The following POU6F2 variants were observed in gnomAD, a reference collection of about 807,000 sequenced individuals.
POU6F2 encodes POU class 6 homeobox 2.
A neutral mutation model predicts 71.3 loss-of-function variants in POU6F2; 31 were observed. The observed-to-expected ratio is 0.43, with a 90% CI of 0.33 to 0.59. POU6F2 has a LOEUF of 0.59. POU6F2 is among the 20% of genes least tolerant of loss of function. POU6F2 has a pLI of 0.04. For synonymous variants in POU6F2, 347 were observed against 355.7 expected (o/e 0.98, Z 0.27); for missense variants, 783 against 856.8 (o/e 0.91, Z 1.07).
chr7:39,464,742 G>A lies in POU6F2; in HGVS notation c.*56G>A. ...TTCACAGAAACTAAACTCCACCCTT[G>A]GGACTCCACAACAACAACAACAACA... On this transcript the variant is annotated 3_prime_UTR_variant, in exon 10 of 10. Coordinates refer to ENST00000518318, the MANE Select transcript of POU6F2 (RefSeq NM_001370959.1). This position sits in a 1 kb window ranked among gnomAD's most constrained non-coding sequence, Gnocchi z 4.1. 1 of 1,501,786 alleles carries A rather than the reference G, an allele frequency of 6.7e-7. No homozygotes were observed. Among genetic ancestry groups the A allele is most frequent in the Non-Finnish European group, 8.9e-7 (1 of 1,125,174 alleles). The allele number at this position is 1,501,786 out of a possible 1,614,324, so 93.0% of individuals were successfully genotyped here.
chr7:39,431,140 G>A lies in POU6F2; in HGVS notation c.1114-1937G>A, dbSNP rs575728384. Among the ~76,000 whole-genome samples the A allele has an allele frequency of 2.0e-4, 31 of 152,254 alleles. 1 individual carries two copies. In the South Asian group the frequency reaches 2.3e-3, roughly 11 times the overall value. ...GCTGATGCTGCGGGCCAGGCATTGC[G>A]GGCTTGCTCAGTGAGACTGCAGCCC... On this transcript the variant is annotated intron_variant, in intron 6 of 9. Transcript: ENST00000518318.
chr7:39,312,771 A>G (rs1173901135), intron 4 of POU6F2, among the ~76,000 whole-genome samples: 1 of 152,236 alleles, frequency 6.6e-6, no homozygotes, highest in Non-Finnish European at 1.5e-5. Context: ...CAGTCTGACA[A>G]CTAAGATTGC....
intron 7 of POU6F2, among the ~76,000 whole-genome samples, chr7:39,449,593 A>T (rs1321630395): frequency 6.6e-6 from 1 of 152,140 alleles, no homozygotes; most frequent in Non-Finnish European, 1.5e-5. Flanking sequence ...TTCCACTCCT[A>T]GGTATTTACA....
intron 2 of POU6F2, among the ~76,000 whole-genome samples, chr7:39,111,307 G>A (rs534132442): frequency 3.9e-5 from 6 of 152,270 alleles, no homozygotes; most frequent in African/African-American, 1.4e-4. Flanking sequence ...TATCATGGTA[G>A]CATCTTAGCT....
intron 4 of POU6F2, among the ~76,000 whole-genome samples, chr7:39,288,982 C>T (rs6955599): frequency 1.3e-5 from 2 of 151,952 alleles, no homozygotes; most frequent in African/African-American, 4.8e-5. Flanking sequence ...CAAAACGGTG[C>T]GTTTTCTCCA....
At chr7:39,057,713 A>G (rs1281819178) in intron 1 of POU6F2, among the ~76,000 whole-genome samples, 1 of 151,802 alleles carries the variant, frequency 6.6e-6, no homozygotes, top group Non-Finnish European at 1.5e-5. Flanking sequence ...TTTTTTGTTT[A>G]CCTCTTTATT....
chr7:39,424,454 C>A (rs758247), intron 6 of POU6F2, among the ~76,000 whole-genome samples: 3,940 of 152,202 alleles, frequency 0.026, 161 homozygotes, highest in African/African-American at 0.09. Context: ...TTTCATTATG[C>A]CAATATATAA....
At chr7:39,301,558 G>T (rs2128764742) in intron 4 of POU6F2, among the ~76,000 whole-genome samples, 1 of 152,284 alleles carries the variant, frequency 6.6e-6, no homozygotes, top group South Asian at 2.1e-4. Context: ...TGCTAACTGT[G>T]CCTTCATTAA....
At chr7:39,246,502 T>C (rs1783823863) in intron 4 of POU6F2, among the ~76,000 whole-genome samples, 1 of 152,138 alleles carries the variant, frequency 6.6e-6, no homozygotes, top group Non-Finnish European at 1.5e-5. Context: ...AGCCAAGCTG[T>C]CTGGCATCAG....
chr7:39,175,807 C>T (rs1168305433), intron 2 of POU6F2, among the ~76,000 whole-genome samples: 1 of 152,058 alleles, frequency 6.6e-6, no homozygotes, highest in East Asian at 1.9e-4. Flanking sequence ...GACTAGCATC[C>T]TCACATTCAC....
intron 8 of POU6F2, among the ~76,000 whole-genome samples, chr7:39,452,889 T>C (rs909433397): frequency 8.5e-5 from 13 of 152,088 alleles, no homozygotes; most frequent in African/African-American, 3.1e-4. Flanking sequence ...GGTCAGGAGT[T>C]CGACACCAGC....
intron 2 of POU6F2, among the ~76,000 whole-genome samples, chr7:39,103,796 A>G (rs1160793857): frequency 6.6e-6 from 1 of 152,180 alleles, no homozygotes; most frequent in African/African-American, 2.4e-5. Flanking sequence ...TGGTATGTTC[A>G]TGACCTCCAG....
chr7:39,062,857 G>T (rs1270868516), intron 1 of POU6F2, among the ~76,000 whole-genome samples: 1 of 151,026 alleles, frequency 6.6e-6, no homozygotes, highest in African/African-American at 2.4e-5. Flanking sequence ...TTTTTTGTTT[G>T]TTTGTTTGTT....
intron 4 of POU6F2, among the ~76,000 whole-genome samples, chr7:39,221,668 T>G (rs750697379): frequency 1.3e-5 from 2 of 152,142 alleles, no homozygotes; most frequent in African/African-American, 2.4e-5. Context: ...ATTACAAGTG[T>G]GAGCCATCGC....
intron 4 of POU6F2, among the ~76,000 whole-genome samples, chr7:39,235,408 C>A (rs912491299): frequency 6.6e-6 from 1 of 152,118 alleles, no homozygotes; most frequent in Admixed American, 6.6e-5. Context: ...ATCTCCATTT[C>A]GCTTGTTTAA....
At chr7:39,378,261 A>C (rs1474313516) in intron 5 of POU6F2, among the ~76,000 whole-genome samples, 1 of 152,174 alleles carries the variant, frequency 6.6e-6, no homozygotes, top group Admixed American at 6.5e-5. Context: ...TCTCGAATTT[A>C]TTCCCTTCTC....
chr7:39,130,550 A>G (rs1792253197), intron 2 of POU6F2, among the ~76,000 whole-genome samples: 1 of 152,218 alleles, frequency 6.6e-6, no homozygotes, highest in East Asian at 1.9e-4. Context: ...AAATGAAACT[A>G]CATACAGCAA....
intron 2 of POU6F2, among the ~76,000 whole-genome samples, chr7:39,171,879 A>G (rs944557806): frequency 1.3e-5 from 2 of 152,226 alleles, no homozygotes; most frequent in African/African-American, 4.8e-5. Context: ...TACATCTTTC[A>G]TGCTCAACAG....
chr7:39,335,993 C>G (rs1203917556), intron 4 of POU6F2, among the ~76,000 whole-genome samples: 1 of 152,202 alleles, frequency 6.6e-6, no homozygotes, highest in African/African-American at 2.4e-5. Flanking sequence ...CTGCCCTGAC[C>G]CCTCAGGACC....
Sources: allele counts gnomAD v4.1 joint callset (sites outside exome capture counted in the v4.1 genomes callset), GRCh38; gene constraint gnomAD v4.1.1; non-coding constraint Gnocchi (gnomAD v3.1); transcripts MANE v1.5; gene names NCBI Gene and HGNC (gene_info 2026-07-23, HGNC 2026-07-21).